Variants in MAGI1 observed in about 807,000 individuals in gnomAD.
The protein encoded by MAGI1 is membrane-associated guanylate kinase, WW and PDZ domain-containing protein 1.
In MAGI1, 58 loss-of-function variants were observed where a neutral mutation model predicts 139.9. That is an observed-to-expected ratio of 0.41 (90% confidence interval 0.34 to 0.52). The LOEUF is 0.52. MAGI1 is among the 20% of genes least tolerant of loss of function. MAGI1 has a pLI of 0.12. For synonymous variants in MAGI1, 812 were observed against 737.9 expected (o/e 1.10, Z -1.63); for missense variants, 1,874 against 1,901.6 (o/e 0.99, Z 0.27).
chr3:65,353,841 C>T lies in MAGI1; in HGVS notation c.*2537G>A, dbSNP rs566310118. 10 of 152,292 alleles carry T rather than the reference C, an allele frequency of 6.6e-5. No individual in the cohort carries two copies. 9.4% of individuals were successfully genotyped at this position (152,292 alleles called of 1,614,324 possible). Reference sequence around the variant, plus strand: ...GCAGTTCAAAGAAAACTATATCTTTCTGCATAATGCATAGTCCCTGTACAG... The same window carrying T: ...GCAGTTCAAAGAAAACTATATCTTTTTGCATAATGCATAGTCCCTGTACAG... On this transcript the variant is annotated 3_prime_UTR_variant, in exon 23 of 23. Transcript: ENST00000402939.
intron 1 of MAGI1, among the ~76,000 whole-genome samples, chr3:66,004,777 A>G (rs2066926593): frequency 6.6e-6 from 1 of 152,310 alleles, no homozygotes; most frequent in East Asian, 1.9e-4. Flanking sequence ...TCTGAGTCTC[A>G]GGCATCTTCG....
intron 7 of MAGI1, 56 bp downstream of exon 7, chr3:65,447,966 C>A: frequency 6.3e-7 from 1 of 1,593,492 alleles, no homozygotes; most frequent in Non-Finnish European, 8.6e-7. Flanking sequence ...GGAAGAAAAC[C>A]ATGCAGGCCA....
At chr3:65,416,526 T>C (rs977048314) in intron 12 of MAGI1, among the ~76,000 whole-genome samples, 9 of 152,214 alleles carry the variant, frequency 5.9e-5, no homozygotes, top group Non-Finnish European at 1.3e-4. Flanking sequence ...CACTGTATTT[T>C]TGATGTTTCC....
At chr3:65,847,365 C>G (rs1575691604) in intron 1 of MAGI1, among the ~76,000 whole-genome samples, 1 of 151,882 alleles carries the variant, frequency 6.6e-6, no homozygotes, top group Non-Finnish European at 1.5e-5. Flanking sequence ...CTTTTCTGGC[C>G]GGCACCACCT....
chr3:65,729,658 T>G (rs1050528780), intron 1 of MAGI1, among the ~76,000 whole-genome samples: 2 of 152,168 alleles, frequency 1.3e-5, no homozygotes, highest in Non-Finnish European at 2.9e-5. Context: ...TTGCTGACCC[T>G]GGAACCCATC....
intron 1 of MAGI1, among the ~76,000 whole-genome samples, chr3:65,750,378 T>A (rs9813528): frequency 0.17 from 26,327 of 152,090 alleles, 2,492 homozygotes; most frequent in African/African-American, 0.2. Context: ...GCTTCTCAAG[T>A]AGAAATGCAT....
chr3:65,447,105 C>T (rs1212576237), intron 7 of MAGI1, among the ~76,000 whole-genome samples: 8 of 152,186 alleles, frequency 5.3e-5, no homozygotes, highest in Non-Finnish European at 1.0e-4. Context: ...TCCACTCATA[C>T]TGATGTTAAA....
intron 2 of MAGI1, among the ~76,000 whole-genome samples, chr3:65,501,661 T>C (rs1172405524): frequency 6.6e-6 from 1 of 152,050 alleles, no homozygotes; most frequent in Non-Finnish European, 1.5e-5. Context: ...AGTTAAAAAG[T>C]TAAACATAAA....
chr3:65,906,254 T>C (rs2061427944), intron 1 of MAGI1, among the ~76,000 whole-genome samples: 1 of 152,114 alleles, frequency 6.6e-6, no homozygotes, highest in Non-Finnish European at 1.5e-5. Flanking sequence ...GACATCAATG[T>C]GGGTTGGAAT....
At chr3:65,798,114 GC>G (rs2040264474) in intron 1 of MAGI1, among the ~76,000 whole-genome samples, 1 of 152,074 alleles carries the variant, frequency 6.6e-6, no homozygotes, top group Non-Finnish European at 1.5e-5. Flanking sequence ...GACCATCCTG[GC>G]CAACATGGTG....
intron 20 of MAGI1, among the ~76,000 whole-genome samples, chr3:65,364,297 T>C (rs1435659183): frequency 6.6e-6 from 1 of 152,080 alleles, no homozygotes; most frequent in African/African-American, 2.4e-5. Context: ...TTTTGCTCTA[T>C]GGATCTCACC....
chr3:65,855,763 C>T (rs2108417881), intron 1 of MAGI1, among the ~76,000 whole-genome samples: 1 of 151,456 alleles, frequency 6.6e-6, no homozygotes, highest in South Asian at 2.1e-4. Flanking sequence ...CCGGATAGCC[C>T]ATTAACCCCC....
intron 1 of MAGI1, among the ~76,000 whole-genome samples, chr3:65,859,734 A>C (rs1179144229): frequency 6.6e-6 from 1 of 151,782 alleles, no homozygotes; most frequent in African/African-American, 2.4e-5. Flanking sequence ...AAAACAAAAA[A>C]AAAAAACTTT....
intron 1 of MAGI1, among the ~76,000 whole-genome samples, chr3:65,812,102 C>T (rs1484166827): frequency 6.6e-6 from 1 of 152,116 alleles, no homozygotes; most frequent in East Asian, 1.9e-4. Flanking sequence ...CTCTCCGTAA[C>T]TCAAAGCCAA....
chr3:65,354,977 A>C lies in MAGI1; in HGVS notation c.*1401T>G, dbSNP rs1417013747. 1 of 152,282 alleles carries C rather than the reference A, an allele frequency of 6.6e-6. No homozygotes were observed. The highest frequency in any genetic ancestry group is 1.5e-5 in the Non-Finnish European group (1 of 68,000). 9.4% of individuals were successfully genotyped at this position (152,282 alleles called of 1,614,324 possible). ...AGTTTTCTGTCTCTATGGAAAATGC[A>C]AAACAGTACTACAGAAATACACAAT... On this transcript the variant is annotated 3_prime_UTR_variant, in exon 23 of 23. Transcript: ENST00000402939.
At chr3:65,414,253 C>T (rs1377761848) in intron 12 of MAGI1, among the ~76,000 whole-genome samples, 1 of 152,194 alleles carries the variant, frequency 6.6e-6, no homozygotes, top group Non-Finnish European at 1.5e-5. Context: ...CTCGAGCACA[C>T]TAAAGGTGCT....
intron 1 of MAGI1, among the ~76,000 whole-genome samples, chr3:65,655,365 G>A (rs985724522): frequency 1.3e-5 from 2 of 152,156 alleles, no homozygotes; most frequent in African/African-American, 4.8e-5. Context: ...ACCATACATA[G>A]TTATGGTACA....
chr3:65,689,382 A>G (rs752160192), intron 1 of MAGI1, among the ~76,000 whole-genome samples: 2 of 152,164 alleles, frequency 1.3e-5, no homozygotes, highest in Non-Finnish European at 2.9e-5. Flanking sequence ...AGCAGCTCAA[A>G]TACACTTCAC....
intron 8 of MAGI1, among the ~76,000 whole-genome samples, chr3:65,442,251 G>T (rs1163412190): frequency 6.6e-6 from 1 of 152,080 alleles, no homozygotes; most frequent in Non-Finnish European, 1.5e-5. Context: ...TCAGGCAAGA[G>T]AGAAACAAAG....
Sources: allele counts gnomAD v4.1 joint callset (sites outside exome capture counted in the v4.1 genomes callset), GRCh38; gene constraint gnomAD v4.1.1; transcripts MANE v1.5; gene names NCBI Gene and HGNC (gene_info 2026-07-23, HGNC 2026-07-21).